Variants in PTPRD observed in about 807,000 individuals in gnomAD.
PTPRD encodes the protein protein tyrosine phosphatase receptor type D.
In PTPRD, 34 loss-of-function variants were observed where a neutral mutation model predicts 214.5. The ratio of observed to expected loss-of-function variants is 0.16; its 90% confidence interval spans 0.12 to 0.21. The LOEUF (loss-of-function observed/expected upper bound fraction) is 0.21, where lower values mean the gene tolerates loss of function less well. PTPRD is among the 10% of genes least tolerant of loss of function. PTPRD has a pLI of 1.00. For synonymous variants in PTPRD, 1,128 were observed against 845.7 expected (o/e 1.33, Z -5.79); for missense variants, 2,545 against 2,398.7 (o/e 1.06, Z -1.27).
intron 8 of PTPRD, among the ~76,000 whole-genome samples, chr9:9,518,001 A>G (rs540125804): frequency 2.0e-5 from 3 of 152,206 alleles, no homozygotes; most frequent in East Asian, 3.9e-4. Context: ...TTTATACTCA[A>G]TGCATTAATA....
chr9:9,242,821 C>T (rs1158163189), intron 9 of PTPRD, among the ~76,000 whole-genome samples: 1 of 152,118 alleles, frequency 6.6e-6, no homozygotes, highest in African/African-American at 2.4e-5. Context: ...TGATCATCTG[C>T]AGCCTTCTTC....
chr9:10,157,062 T>C (rs1005917462), intron 3 of PTPRD, among the ~76,000 whole-genome samples: 3 of 152,166 alleles, frequency 2.0e-5, no homozygotes, highest in African/African-American at 4.8e-5. Flanking sequence ...AAGAATACCA[T>C]TGCATCTTGG....
chr9:8,717,108 C>A (rs373714514), intron 12 of PTPRD, among the ~76,000 whole-genome samples: 1 of 151,860 alleles, frequency 6.6e-6, no homozygotes, highest in Non-Finnish European at 1.5e-5. Context: ...GCACCTGTAC[C>A]CCATCCTGGG....
chr9:10,258,307 G>C (rs1451883510), intron 3 of PTPRD, among the ~76,000 whole-genome samples: 1 of 152,134 alleles, frequency 6.6e-6, no homozygotes, highest in Admixed American at 6.5e-5. Context: ...TGGGAGCTGA[G>C]GGCTTTTGGG....
intron 10 of PTPRD, among the ~76,000 whole-genome samples, chr9:9,155,292 C>A (rs1015468350): frequency 2.0e-5 from 3 of 151,988 alleles, no homozygotes; most frequent in African/African-American, 4.8e-5. Flanking sequence ...CTTCTTTGTA[C>A]ATGAATTGGA....
chr9:8,637,135 A>C (rs1243727727), intron 12 of PTPRD, among the ~76,000 whole-genome samples: 2 of 152,180 alleles, frequency 1.3e-5, no homozygotes, highest in Non-Finnish European at 2.9e-5. Context: ...ATTAATTTTT[A>C]TTACCAGTAT....
intron 7 of PTPRD, among the ~76,000 whole-genome samples, chr9:9,617,612 T>C (rs1415268659): frequency 6.6e-6 from 1 of 151,968 alleles, no homozygotes; most frequent in African/African-American, 2.4e-5. Flanking sequence ...TAAATGTGCA[T>C]GAAAAAAGAA....
chr9:9,599,243 T>A (rs1392168863), intron 7 of PTPRD, among the ~76,000 whole-genome samples: 1 of 152,058 alleles, frequency 6.6e-6, no homozygotes, highest in East Asian at 1.9e-4. Flanking sequence ...CCCATGATAA[T>A]GTCATAAATT....
intron 3 of PTPRD, among the ~76,000 whole-genome samples, chr9:10,315,248 G>A (rs1039475238): frequency 1.3e-5 from 2 of 151,714 alleles, no homozygotes; most frequent in South Asian, 4.2e-4. Context: ...TTAAAATAAG[G>A]TCAATCACAG....
At chr9:9,169,634 T>C (rs755621830) in intron 10 of PTPRD, among the ~76,000 whole-genome samples, 39 of 152,280 alleles carry the variant, frequency 2.6e-4, no homozygotes, top group Non-Finnish European at 5.0e-4. Flanking sequence ...ACTCCTTCTT[T>C]CTGTTTTTGC....
At chr9:10,105,011 C>G (rs1010155901) in intron 3 of PTPRD, among the ~76,000 whole-genome samples, 1 of 151,830 alleles carries the variant, frequency 6.6e-6, no homozygotes, top group Non-Finnish European at 1.5e-5. Flanking sequence ...GGAAAAGACT[C>G]CAAATAATGC....
chr9:8,688,441 T>C (rs1056406355), intron 12 of PTPRD, among the ~76,000 whole-genome samples: 1 of 151,608 alleles, frequency 6.6e-6, no homozygotes, highest in Non-Finnish European at 1.5e-5. Flanking sequence ...GGTGGGCGCC[T>C]GTAGTCCCAG....
intron 35 of PTPRD, among the ~76,000 whole-genome samples, chr9:8,418,559 G>A (rs1385851710): frequency 6.7e-6 from 1 of 150,030 alleles, no homozygotes; most frequent in Admixed American, 6.7e-5. Context: ...TAAAATGTAT[G>A]TAAAATACAT....
chr9:9,945,215 C>A (rs760904079), intron 4 of PTPRD, among the ~76,000 whole-genome samples: 1 of 151,882 alleles, frequency 6.6e-6, no homozygotes, highest in African/African-American at 2.4e-5. Context: ...GTAAGATGCC[C>A]GTTAGGCATT....
At chr9:9,669,886 T>A (rs569985301) in intron 7 of PTPRD, among the ~76,000 whole-genome samples, 3 of 152,212 alleles carry the variant, frequency 2.0e-5, no homozygotes, top group African/African-American at 7.2e-5. Flanking sequence ...TCCATAAAGA[T>A]ATGCTTAGCA....
chr9:8,504,520 T>C, intron 22 of PTPRD, 115 bp from the exon 23 acceptor site: 3 of 1,210,054 alleles, frequency 2.5e-6, no homozygotes, highest in Non-Finnish European at 3.5e-6. Flanking sequence ...CATCAAAATA[T>C]CACCAAAAGA....
intron 10 of PTPRD, among the ~76,000 whole-genome samples, chr9:9,038,320 G>A (rs1590249029): frequency 6.6e-6 from 1 of 152,094 alleles, no homozygotes; most frequent in African/African-American, 2.4e-5. Context: ...AGGCTGGCTG[G>A]TCCATCGCCT....
chr9:9,735,716 A>G (rs2098280644), intron 6 of PTPRD, among the ~76,000 whole-genome samples: 2 of 152,086 alleles, frequency 1.3e-5, no homozygotes, highest in Admixed American at 1.3e-4. Context: ...TAGAGACCTT[A>G]CTGAATTCTC....
At chr9:8,796,102 G>T (rs1448341684) in intron 11 of PTPRD, among the ~76,000 whole-genome samples, 1 of 152,148 alleles carries the variant, frequency 6.6e-6, no homozygotes, top group East Asian at 1.9e-4. Flanking sequence ...TATGCATACT[G>T]TTGGTAGCCA....
Sources: gnomAD v4.1 joint callset for allele counts (sites outside exome capture counted in the v4.1 genomes callset) on GRCh38, gnomAD v4.1.1 for gene constraint, MANE v1.5 for transcripts, NCBI Gene and HGNC (gene_info 2026-07-23, HGNC 2026-07-21) for gene names.